The following ITIH5 variants were observed in gnomAD, a reference collection of about 807,000 sequenced individuals.
ITIH5 encodes inter-alpha-trypsin inhibitor heavy chain H5.
ITIH5 carries 65 observed loss-of-function variants against 77.5 expected under a neutral mutation model. That is an observed-to-expected ratio of 0.84 (90% CI 0.69 to 1.03). The LOEUF (loss-of-function observed/expected upper bound fraction) is 1.03, where lower values mean the gene tolerates loss of function less well. Among genes scored for constraint, ITIH5 ranks in the 50% least tolerant of loss-of-function variants. The pLI, the probability that ITIH5 is intolerant of heterozygous loss-of-function variation, is 0.00. For synonymous variants in ITIH5, 525 were observed against 494.3 expected, an observed-to-expected ratio of 1.06 and a Z score of -0.82; for missense variants, 1,208 against 1,213.1, an observed-to-expected ratio of 1.00 and a Z score of 0.06.
intron 2 of ITIH5, among the ~76,000 whole-genome samples, chr10:7,654,715 C>T (rs1223536593): frequency 6.6e-6 from 1 of 152,180 alleles, no homozygotes; most frequent in African/African-American, 2.4e-5. Context: ...GTCTCTGACC[C>T]AGGAGTCTCC....
In ITIH5 at chr10:7,560,085, C is replaced by T. The variant is rs1371827417; in HGVS notation, c.*2998G>A. 1.0e-5 allele frequency: 3 copies of T among 300,464 alleles called. No individual in the cohort carries two copies. The highest frequency in any genetic ancestry group is 2.3e-5 in the African/African-American group (1 of 44,120). 18.6% of individuals were successfully genotyped at this position (300,464 alleles called of 1,614,324 possible). A position where few individuals can be genotyped will look rare whatever the true frequency, so the allele number is the denominator to read the frequency against. ...CAGGATGGTCTCCATCTCCTGACCT[C>T]ATGATCCACCCTTCTCGGCCTCCCA... On this transcript the variant is annotated 3_prime_UTR_variant, in exon 14 of 14. Coordinates refer to ENST00000397146, the MANE Select transcript of ITIH5 (RefSeq NM_030569.7).
chr10:7,629,903 T>C (rs529176661), intron 5 of ITIH5, among the ~76,000 whole-genome samples: 1 of 152,264 alleles, frequency 6.6e-6, no homozygotes, highest in African/African-American at 2.4e-5. Context: ...CCTAGAAGGG[T>C]TTAGAAAGAA....
chr10:7,593,731 C>T (rs1832842164), intron 7 of ITIH5, among the ~76,000 whole-genome samples: 1 of 82,360 alleles, frequency 1.2e-5, no homozygotes. Context: ...CCCCACTCAC[C>T]CCTGCAGACT....
chr10:7,569,700 A>G lies in ITIH5; in HGVS notation c.2117T>C (p.Ile706Thr), dbSNP rs1832259050. ...CFNIDGQPGDILRLVSDHRDS... is the reference protein window; with the variant it reads ...CFNIDGQPGDTLRLVSDHRDS... ...CCTGTGATCAGAGACCAGCCTGAGG[A>G]TGTCCCCGGGCTGCCCATCAATGTT... The change falls in exon 12 of 14, where the codon ATC (isoleucine) becomes ACC (threonine). Residue 706 changes from isoleucine (I) to threonine (T), a missense_variant. Coordinates refer to ENST00000397146, the MANE Select transcript of ITIH5 (RefSeq NM_030569.7). 1.2e-6 allele frequency: 2 copies of G among 1,612,036 alleles called. No homozygotes were observed. Among genetic ancestry groups the G allele is most frequent in the Middle Eastern group, 1.7e-4 (1 of 6,058 alleles).
At chr10:7,651,940 C>A (rs1041133639) in intron 2 of ITIH5, among the ~76,000 whole-genome samples, 1 of 152,184 alleles carries the variant, frequency 6.6e-6, no homozygotes, top group African/African-American at 2.4e-5. Context: ...TCAGTCATTT[C>A]TCTGTCTGTG....
At chr10:7,640,721 G>T (rs756288675) in intron 4 of ITIH5, 33 bp downstream of exon 4, 2 of 1,429,382 alleles carry the variant, frequency 1.4e-6, no homozygotes, top group African/African-American at 2.8e-5. Flanking sequence ...TTGCTAAAAT[G>T]GGTTTTTAAT....
At chr10:7,589,046 C>A (rs895080553) in intron 7 of ITIH5, among the ~76,000 whole-genome samples, 13 of 152,252 alleles carry the variant, frequency 8.5e-5, no homozygotes, top group Non-Finnish European at 1.6e-4. Context: ...TAACGTGCAG[C>A]AAATCTGGGG....
intron 5 of ITIH5, among the ~76,000 whole-genome samples, chr10:7,627,938 T>G (rs1161060620): frequency 7.3e-6 from 1 of 136,724 alleles, no homozygotes. Flanking sequence ...GCCTCCCACA[T>G]TCAAGCGATT....
At chr10:7,640,351 C>T (rs1196327271) in intron 4 of ITIH5, among the ~76,000 whole-genome samples, 2 of 151,678 alleles carry the variant, frequency 1.3e-5, no homozygotes, top group East Asian at 1.9e-4. Flanking sequence ...GTGGTGCACA[C>T]CTGTAATCCC....
Position 7,616,041 on chromosome 10 carries a change from T to C in ITIH5, c.880A>G (p.Lys294Glu). Residue 294 changes from lysine to glutamate, a missense_variant, in exon 7 of 14, where the codon AAG (lysine) becomes GAG (glutamate). By Grantham distance (56) the Lys-to-Glu change is moderately conservative (BLOSUM62 1). Coordinates refer to ENST00000397146, the MANE Select transcript of ITIH5 (RefSeq NM_030569.7). ...CTGTCAAGCACGAATACCACATTCT[T>C]GGGTAAAGGAGGAAGGTCTTTAGGA... ...FAPKDLPPLP[K>E]NVVFVLDSSA... The C allele has an allele frequency of 6.2e-7, 1 of 1,613,792 alleles. No individual in the cohort carries two copies. Among genetic ancestry groups the C allele is most frequent in the Non-Finnish European group, 8.5e-7 (1 of 1,179,676 alleles).
chr10:7,579,988 GTCTC>G lies in ITIH5; in HGVS notation c.1181_1184del (p.Gly394AlafsTer10), dbSNP rs1225705714. 6.2e-7 allele frequency: 1 copy of G among 1,613,972 alleles called. No homozygotes were observed. Among genetic ancestry groups the G allele is most frequent in the African/African-American group, 1.3e-5 (1 of 74,916 alleles). On this transcript the variant is annotated frameshift_variant, in exon 9 of 14. Transcript: ENST00000397146. LOFTEE classifies it high-confidence loss of function. The stretch of plus-strand genomic sequence containing the variant: ...GGAAGACGATGAGGGACACGCTCCG[GTCTC>G]CAATGCCACTGTGGGCCACGTACTT...
intron 5 of ITIH5, among the ~76,000 whole-genome samples, chr10:7,626,387 T>A (rs555913074): frequency 2.0e-5 from 3 of 152,342 alleles, no homozygotes; most frequent in African/African-American, 7.2e-5. Flanking sequence ...GATTTTCATA[T>A]TGGATTAAAA....
chr10:7,640,213 G>T (rs975441399), intron 4 of ITIH5, among the ~76,000 whole-genome samples: 1 of 146,218 alleles, frequency 6.8e-6, no homozygotes, highest in East Asian at 2.0e-4. Flanking sequence ...CTGTAATCCT[G>T]TAATCCCAGT....
At position 7,569,689 on chromosome 10, in the gene ITIH5, C is replaced by A. The variant is rs772476481; in HGVS notation, c.2128G>T (p.Val710Phe). ...TTACCAGAGTCCCTGTGATCAGAGA[C>A]CAGCCTGAGGATGTCCCCGGGCTGC... The part of the protein sequence containing the change: ...DGQPGDILRL[V>F]SDHRDSGVTV... The change falls in exon 12 of 14, where the codon GTC becomes TTC. Residue 710 changes from valine to phenylalanine, a missense_variant. Coordinates refer to ENST00000397146, the MANE Select transcript of ITIH5 (RefSeq NM_030569.7). 36 of 1,609,238 alleles carry A rather than the reference C, an allele frequency of 2.2e-5. No homozygotes were observed. Among genetic ancestry groups the A allele is most frequent in the Non-Finnish European group, 3.1e-5 (36 of 1,178,064 alleles).
chr10:7,595,782 G>A (rs1436601099), intron 7 of ITIH5, among the ~76,000 whole-genome samples: 1 of 152,174 alleles, frequency 6.6e-6, no homozygotes, highest in Non-Finnish European at 1.5e-5. Context: ...GCCGAGGCGG[G>A]CGGATCATGA....
At chr10:7,628,288 C>T (rs1021527465) in intron 5 of ITIH5, among the ~76,000 whole-genome samples, 1 of 152,270 alleles carries the variant, frequency 6.6e-6, no homozygotes, top group African/African-American at 2.4e-5. Flanking sequence ...ATTTCTCCCT[C>T]CTCCCAGCCC....
rs1013458229 is a variant in ITIH5 at position 7,561,272 on chromosome 10, C to T, written c.*1811G>A. 1 of 152,218 alleles carries T rather than the reference C, an allele frequency of 6.6e-6. No homozygotes were observed. The highest frequency in any genetic ancestry group is 1.9e-4 in the East Asian group (1 of 5,198). The allele number at this position is 152,218 out of a possible 1,614,324, so 9.4% of individuals were successfully genotyped here. A position where few individuals can be genotyped will look rare whatever the true frequency, so the allele number is the denominator to read the frequency against. On this transcript the variant is annotated 3_prime_UTR_variant, in exon 14 of 14. Transcript: ENST00000397146. Reference sequence around the variant, plus strand: ...AATAACGTCCTCATTTCTGCAGTGTCGAGACTTACACCTGGAACAACAGAT... The same window carrying T: ...AATAACGTCCTCATTTCTGCAGTGTTGAGACTTACACCTGGAACAACAGAT...
chr10:7,595,327 T>C (rs543702494), intron 7 of ITIH5, among the ~76,000 whole-genome samples: 3 of 128,968 alleles, frequency 2.3e-5, no homozygotes, highest in African/African-American at 7.9e-5. Flanking sequence ...TAGATACACT[T>C]AGTAAACGGA....
In ITIH5 at chr10:7,585,994, G is replaced by C. The variant is rs145334714; in HGVS notation, c.1015C>G (p.Arg339Gly). The change falls in exon 8 of 14, where the codon CGG becomes GGG. Residue 339 changes from arginine (R) to glycine (G), a missense_variant. Transcript: ENST00000397146. ...DRFSIIGFSN[R>G]IKVWKDHLIS... ...AAGTGGTCCTTCCATACTTTGATCC[G>C]GTTGGAAAATCCAATGATACTGAAA... The C allele has an allele frequency of 6.2e-7, 1 of 1,613,896 alleles. No homozygotes were observed. The highest frequency in any genetic ancestry group is 8.5e-7 in the Non-Finnish European group (1 of 1,179,974).
Sources: gnomAD v4.1 joint callset for allele counts (sites outside exome capture counted in the v4.1 genomes callset) on GRCh38, gnomAD v4.1.1 for gene constraint, MANE v1.5 for transcripts, NCBI Gene and HGNC (gene_info 2026-07-23, HGNC 2026-07-21) for gene names.